Variants in DDAH1 observed in about 807,000 individuals in gnomAD.
DDAH1 encodes the protein N(G),N(G)-dimethylarginine dimethylaminohydrolase 1.
A neutral mutation model predicts 28.8 loss-of-function variants in DDAH1; 19 were observed. The observed-to-expected ratio is 0.66, with a 90% CI of 0.46 to 0.97. The LOEUF (loss-of-function observed/expected upper bound fraction) is 0.97. Among genes scored for constraint, DDAH1 ranks in the 50% least tolerant of loss-of-function variants. The pLI, the probability that DDAH1 is intolerant of heterozygous loss-of-function variation, is 0.00. For synonymous variants in DDAH1, 153 were observed against 154.4 expected, an observed-to-expected ratio of 0.99 and a Z score of 0.07; for missense variants, 326 against 375.9, an observed-to-expected ratio of 0.87 and a Z score of 1.10.
At position 85,539,404 on chromosome 1, in the gene DDAH1, C is replaced by A. The variant is rs1214807781; in HGVS notation, c.-123+38580G>T. Among the ~76,000 whole-genome samples, 4 of 152,240 alleles carry A rather than the reference C, an allele frequency of 2.6e-5. 1 individual carries two copies. Among genetic ancestry groups the A allele is most frequent in the Admixed American group, 2.6e-4 (4 of 15,282 alleles). On this transcript the variant is annotated intron_variant, in intron 1 of 6. Coordinates refer to the DDAH1 transcript ENST00000426972. ...TCAGGTGATCCGCCTTTCTCGGCCTCCCAAAGTGGATTACAGGCGGGAGCC... is the reference window on the plus strand; with the variant it reads ...TCAGGTGATCCGCCTTTCTCGGCCTACCAAAGTGGATTACAGGCGGGAGCC...
intron 2 of DDAH1, among the ~76,000 whole-genome samples, chr1:85,484,276 TATATA>T (rs1400243312): frequency 1.3e-5 from 2 of 150,868 alleles, no homozygotes; most frequent in African/African-American, 4.9e-5. Context: ...TTATGTTTAA[TATATA>T]ATATATTTAT....
chr1:85,473,165 A>G (rs1374341352), intron 2 of DDAH1, among the ~76,000 whole-genome samples: 1 of 152,186 alleles, frequency 6.6e-6, no homozygotes, highest in African/African-American at 2.4e-5. Flanking sequence ...TGCTCTTGTG[A>G]GTAGTGCTAT....
chr1:85,467,204 C>T (rs550427642), upstream of DDAH1: 1 of 152,326 alleles, frequency 6.6e-6, no homozygotes, highest in Admixed American at 6.5e-5. Context: ...GGACTTCATT[C>T]TGCTCTTTAC....
chr1:85,427,520 T>C (rs1653464380), intron 1 of DDAH1, among the ~76,000 whole-genome samples: 1 of 152,200 alleles, frequency 6.6e-6, no homozygotes. Flanking sequence ...GTGAGATCTT[T>C]ATCTAGAAAT....
At chr1:85,562,980 C>G (rs993555934) in intron 1 of DDAH1, among the ~76,000 whole-genome samples, 1 of 152,160 alleles carries the variant, frequency 6.6e-6, no homozygotes, top group Non-Finnish European at 1.5e-5. Context: ...TTATATAAAA[C>G]AACATTTTTC....
intron 1 of DDAH1, among the ~76,000 whole-genome samples, chr1:85,420,504 C>T (rs1653091496): frequency 1.3e-5 from 2 of 152,188 alleles, no homozygotes; most frequent in South Asian, 2.1e-4. Context: ...CCTAGGTCAT[C>T]ACTCTAAAGT....
chr1:85,348,565 G>T (rs2100837925), intron 4 of DDAH1, among the ~76,000 whole-genome samples: 1 of 152,244 alleles, frequency 6.6e-6, no homozygotes, highest in Middle Eastern at 3.4e-3. Context: ...CTCAGTCTTT[G>T]CTTATGCCAT....
At chr1:85,417,679 G>A (rs1652944641) in intron 1 of DDAH1, among the ~76,000 whole-genome samples, 1 of 152,188 alleles carries the variant, frequency 6.6e-6, no homozygotes, top group African/African-American at 2.4e-5. Flanking sequence ...GTAATCAGCA[G>A]CAGCTTCCTG....
Position 85,464,763 on chromosome 1 carries a change from C to T in DDAH1, c.283G>A (p.Ala95Thr). Reference sequence around the variant, plus strand: ...GTTACCTCCTTCCTCCGGCTCGGCGCCCCGGGTCGGGTGATGAGGGCCGTC... The same window carrying T: ...GTTACCTCCTTCCTCCGGCTCGGCGTCCCGGGTCGGGTGATGAGGGCCGTC... ...EETALITRPG[A>T]PSRRKEVDMM... is the part of the protein sequence containing the mutation. The change falls in exon 1 of 6, where the codon GCG becomes ACG. Residue 95 changes from alanine (A) to threonine (T), a missense_variant. By Grantham distance (58) the Ala-to-Thr change is moderately conservative. Coordinates refer to ENST00000284031, the MANE Select transcript of DDAH1 (RefSeq NM_012137.4). This position sits in a 1 kb window ranked among gnomAD's most constrained non-coding sequence, Gnocchi z 4.4. 6.4e-7 allele frequency: 1 copy of T among 1,558,010 alleles called. No individual in the cohort carries two copies. The highest frequency in any genetic ancestry group is 8.6e-7 in the Non-Finnish European group (1 of 1,157,154).
upstream of DDAH1, chr1:85,465,225 G>A (rs1655323855): frequency 6.3e-6 from 7 of 1,112,264 alleles, no homozygotes; most frequent in Non-Finnish European, 7.7e-6. Flanking sequence ...CCAGAGCTCC[G>A]GGCGCCGGCC....
rs147453992 is a variant in DDAH1, at chr1:85,511,536, C to T, written c.-122-15255G>A. On this transcript the variant is annotated intron_variant, in intron 1 of 6. Coordinates refer to the DDAH1 transcript ENST00000426972. ...GAAAGGGATAGAGACACAAAAAACC[C>T]TTCAAAAAATCAATGAATCCAGGAG... 6.4e-3 allele frequency among the ~76,000 whole-genome samples: 978 copies of T among 152,118 alleles called. 10 individuals carry two copies. The highest frequency in any genetic ancestry group is 0.022 in the African/African-American group (919 of 41,518).
chr1:85,329,120 A>G (rs985629560), intron 4 of DDAH1, among the ~76,000 whole-genome samples: 2 of 152,222 alleles, frequency 1.3e-5, no homozygotes, highest in African/African-American at 4.8e-5. Flanking sequence ...GCATGTCCGG[A>G]GGTGACTACA....
At chr1:85,388,891 T>C (rs1205835501) in intron 1 of DDAH1, among the ~76,000 whole-genome samples, 2 of 152,202 alleles carry the variant, frequency 1.3e-5, no homozygotes, top group East Asian at 1.9e-4. Flanking sequence ...GGAATTCAAA[T>C]AGACGACCCC....
intron 1 of DDAH1, among the ~76,000 whole-genome samples, chr1:85,504,249 T>C (rs1656928172): frequency 6.6e-6 from 1 of 152,200 alleles, no homozygotes; most frequent in African/African-American, 2.4e-5. Flanking sequence ...CTGTACAGGA[T>C]ACTGGATCTA....
At chr1:85,402,276 C>T (rs1268392485) in intron 1 of DDAH1, among the ~76,000 whole-genome samples, 1 of 149,796 alleles carries the variant, frequency 6.7e-6, no homozygotes, top group African/African-American at 2.5e-5. Context: ...GCTGGGATTA[C>T]AGGTGTGAGC....
chr1:85,325,134 G>T (rs934325599), intron 4 of DDAH1, among the ~76,000 whole-genome samples: 1 of 151,764 alleles, frequency 6.6e-6, no homozygotes. Context: ...TTCTTTTAAG[G>T]TTTTAAAACC....
chr1:85,470,653 C>T (rs1421215329), intron 2 of DDAH1, among the ~76,000 whole-genome samples: 1 of 152,086 alleles, frequency 6.6e-6, no homozygotes, highest in Non-Finnish European at 1.5e-5. Flanking sequence ...AAATGTTTAC[C>T]GTGAAAGAAA....
chr1:85,477,129 T>C (rs181750124), intron 2 of DDAH1, among the ~76,000 whole-genome samples: 137 of 151,546 alleles, frequency 9.0e-4, no homozygotes, highest in African/African-American at 3.0e-3. Flanking sequence ...TAATCAGGAG[T>C]GGAGAGAAAT....
chr1:85,336,760 TAAAG>T (rs959208044), intron 4 of DDAH1, among the ~76,000 whole-genome samples: 1 of 149,922 alleles, frequency 6.7e-6, no homozygotes, highest in Admixed American at 6.6e-5. Flanking sequence ...TTTGAAAAAA[TAAAG>T]AAAATTGATA....
Sources: allele counts gnomAD v4.1 joint callset (sites outside exome capture counted in the v4.1 genomes callset), GRCh38; gene constraint gnomAD v4.1.1; non-coding constraint Gnocchi (gnomAD v3.1); transcripts MANE v1.5; gene names NCBI Gene and HGNC (gene_info 2026-07-23, HGNC 2026-07-21).